Variants in CHD7 observed in about 807,000 individuals in gnomAD.
CHD7 encodes the protein ATP-dependent chromatin remodeler CHD7.
CHD7 carries 24 observed loss-of-function variants against 307.3 expected under a neutral mutation model. The observed-to-expected ratio is 0.08, with a 90% CI of 0.06 to 0.11. CHD7 has a LOEUF of 0.11. Among genes scored for constraint, CHD7 ranks in the 10% least tolerant of loss-of-function variants. CHD7 has a pLI of 1.00. For missense variants in CHD7, 3,106 were observed against 3,727.1 expected (o/e 0.83, Z 4.34); for synonymous variants, 1,363 against 1,349.9 (o/e 1.01, Z -0.21).
In CHD7 at chr8:60,857,104, C is replaced by A. The variant is rs1010294413; in HGVS notation, c.7608+216C>A. On this transcript the variant is annotated intron_variant, in intron 34 of 37. Transcript: ENST00000423902. ...GTGTAGCTTGAGGATGTATTCTTCC[C>A]AAGTTCTGATGTGTTGATTGCTCTC... Among the ~76,000 whole-genome samples, 12 of 152,348 alleles carry A rather than the reference C, an allele frequency of 7.9e-5. No individual in the cohort carries two copies. The South Asian group carries it at 2.5e-3, about 32-fold the overall frequency.
At chr8:60,848,477 A>G in intron 23 of CHD7, 38 bp from the exon 24 acceptor site, 2 of 1,484,876 alleles carry the variant, frequency 1.3e-6, no homozygotes, top group Non-Finnish European at 1.9e-6. Context: ...ACAGTCCTGA[A>G]GTTAAGAACT....
chr8:60,712,982 G>A (rs555858696), intron 1 of CHD7, among the ~76,000 whole-genome samples: 2 of 151,072 alleles, frequency 1.3e-5, no homozygotes, highest in South Asian at 2.1e-4. Flanking sequence ...ACCCTGGAGG[G>A]GGAGTTACGC....
At chr8:60,798,996 T>C (rs932472132) in intron 4 of CHD7, among the ~76,000 whole-genome samples, 2 of 152,224 alleles carry the variant, frequency 1.3e-5, no homozygotes, top group African/African-American at 4.8e-5. Context: ...CTATTAATAA[T>C]CTGTTGTCTG....
rs1433629344 is a variant in CHD7 at position 60,760,494 on chromosome 8, G to A, written c.1665+17397G>A. 4.2e-5 allele frequency among the ~76,000 whole-genome samples: 6 copies of A among 143,400 alleles called. No homozygotes were observed. The South Asian group carries it at 1.4e-3, about 34-fold the overall frequency. 94.1% of individuals were successfully genotyped at this position (143,400 alleles called of 152,430 possible). A position where few individuals can be genotyped will look rare whatever the true frequency, so the allele number is the denominator to read the frequency against. Reference sequence around the variant, plus strand: ...CAACAAAAGCCAAAATTGACAAATGGGATCTAATTAAACTAAAGAGCTTCT... The same window carrying A: ...CAACAAAAGCCAAAATTGACAAATGAGATCTAATTAAACTAAAGAGCTTCT... On this transcript the variant is annotated intron_variant, in intron 2 of 37. Coordinates refer to ENST00000423902, the MANE Select transcript of CHD7 (RefSeq NM_017780.4).
chr8:60,746,988 A>G (rs1809358903), intron 2 of CHD7, among the ~76,000 whole-genome samples: 1 of 152,230 alleles, frequency 6.6e-6, no homozygotes, highest in Non-Finnish European at 1.5e-5. Flanking sequence ...TGGGGACTCC[A>G]AAGAGTGTGT....
intron 1 of CHD7, among the ~76,000 whole-genome samples, chr8:60,680,487 C>T (rs1805564587): frequency 6.6e-6 from 1 of 151,200 alleles, no homozygotes. Context: ...GAGCCGCCGG[C>T]CCCGAGCAGC....
intron 1 of CHD7, among the ~76,000 whole-genome samples, chr8:60,680,559 G>A (rs1805569722): frequency 6.6e-6 from 1 of 152,156 alleles, no homozygotes; most frequent in South Asian, 2.1e-4. Flanking sequence ...AGCCGTGGGA[G>A]CGCACCCCAA....
chr8:60,798,052 C>CAGG (rs1812112577), intron 4 of CHD7, among the ~76,000 whole-genome samples: 1 of 152,152 alleles, frequency 6.6e-6, no homozygotes, highest in African/African-American at 2.4e-5. Flanking sequence ...TTCTACAGAC[C>CAGG]AGGAGTCCAA....
chr8:60,814,478 C>T (rs968423776), intron 7 of CHD7, among the ~76,000 whole-genome samples: 2 of 152,180 alleles, frequency 1.3e-5, no homozygotes, highest in East Asian at 1.9e-4. Flanking sequence ...GAGGGTCTCC[C>T]TCTGTCACCC....
At chr8:60,815,338 C>G (rs1413398989) in intron 7 of CHD7, among the ~76,000 whole-genome samples, 1 of 152,050 alleles carries the variant, frequency 6.6e-6, no homozygotes, top group African/African-American at 2.4e-5. Context: ...AACTAAAGCA[C>G]AATTTCTAAG....
chr8:60,690,736 G>A (rs1327590773), intron 1 of CHD7, among the ~76,000 whole-genome samples: 1 of 152,210 alleles, frequency 6.6e-6, no homozygotes, highest in Non-Finnish European at 1.5e-5. Flanking sequence ...CAGTGCCACT[G>A]CCATAGCACC....
At chr8:60,858,979 T>C (rs1805843329) in intron 34 of CHD7, among the ~76,000 whole-genome samples, 1 of 152,246 alleles carries the variant, frequency 6.6e-6, no homozygotes, top group Admixed American at 6.5e-5. Flanking sequence ...TTTTTTCCTA[T>C]TGCAAGTACA....
chr8:60,821,489 AG>A, intron 9 of CHD7, among the ~76,000 whole-genome samples: 1 of 152,098 alleles, frequency 6.6e-6, no homozygotes, highest in African/African-American at 2.4e-5. Flanking sequence ...TGATAAATGA[AG>A]TAGAGCATGC....
At position 60,801,589 on chromosome 8, in the gene CHD7, A is replaced by G; in HGVS notation, c.2438A>G (p.Lys813Arg). The change falls in exon 6 of 38, where the codon AAG becomes AGG. Residue 813 changes from lysine to arginine, a missense_variant. Lys to Arg is a conservative substitution (Grantham distance 26). Around this residue, in one of 10 missense-constraint regions of CHD7, gnomAD observed 188 missense variants for 261.7 expected, o/e 0.72. Transcript: ENST00000423902. ...ATTATGAGCAGTCGTTCAGTAAAAA[A>G]GCAGGTGAGTGCCATTGGAGCCATT... ...EKIMSSRSVKKQKESGEEVEI... is the reference protein window; with the variant it reads ...EKIMSSRSVKRQKESGEEVEI... The G allele has an allele frequency of 1.3e-6, 2 of 1,570,758 alleles. No individual in the cohort carries two copies. Among genetic ancestry groups the G allele is most frequent in the Non-Finnish European group, 1.7e-6 (2 of 1,155,894 alleles).
chr8:60,811,015 T>C (rs1812779953), intron 7 of CHD7, among the ~76,000 whole-genome samples: 1 of 152,220 alleles, frequency 6.6e-6, no homozygotes, highest in African/African-American at 2.4e-5. Context: ...TTTGTGCTCC[T>C]TATGAGAATC....
At chr8:60,721,674 T>A (rs574901840) in intron 1 of CHD7, among the ~76,000 whole-genome samples, 386 of 152,274 alleles carry the variant, frequency 2.5e-3, no homozygotes, top group Non-Finnish European at 3.0e-3. Context: ...TCTAACCAGT[T>A]CCCCAGCGGT....
intron 2 of CHD7, among the ~76,000 whole-genome samples, chr8:60,778,080 A>C (rs1259725152): frequency 1.8e-5 from 2 of 114,002 alleles, no homozygotes; most frequent in Non-Finnish European, 3.3e-5. Flanking sequence ...AGACTGTACC[A>C]TGCATCTGGT....
intron 2 of CHD7, among the ~76,000 whole-genome samples, chr8:60,776,450 A>G (rs976399101): frequency 4.6e-5 from 7 of 152,190 alleles, no homozygotes; most frequent in African/African-American, 1.4e-4. Flanking sequence ...CTTGTGAAGC[A>G]TTTGCATGCC....
chr8:60,862,406 T>C (rs986620568), intron 36 of CHD7, 70 bp downstream of exon 36: 1 of 1,527,842 alleles, frequency 6.5e-7, no homozygotes, highest in Non-Finnish European at 8.8e-7. Flanking sequence ...TTATCCTGCC[T>C]TCTTCTATAG....
Sources: allele counts gnomAD v4.1 joint callset (sites outside exome capture counted in the v4.1 genomes callset), GRCh38; gene constraint gnomAD v4.1.1; regional missense constraint gnomAD v4.1.1; transcripts MANE v1.5; gene names NCBI Gene and HGNC (gene_info 2026-07-23, HGNC 2026-07-21).